PNPT1: variants seen among roughly 807,000 people sequenced by gnomAD.
The protein encoded by PNPT1 is polyribonucleotide nucleotidyltransferase 1.
A neutral mutation model predicts 119.5 loss-of-function variants in PNPT1; 53 were observed. That is an observed-to-expected ratio of 0.44 (90% CI 0.36 to 0.56). The LOEUF (loss-of-function observed/expected upper bound fraction) is 0.56. Among genes scored for constraint, PNPT1 ranks in the 20% least tolerant of loss-of-function variants. PNPT1 has a pLI of 0.00. For missense variants in PNPT1, 948 were observed against 938.5 expected, an observed-to-expected ratio of 1.01 and a Z score of -0.13; for synonymous variants, 357 against 322.1, an observed-to-expected ratio of 1.11 and a Z score of -1.16.
chr2:55,654,767 GGT>G (rs1696331288), intron 18 of PNPT1, 131 bp downstream of exon 18: 3 of 703,796 alleles, frequency 4.3e-6, no homozygotes, highest in Non-Finnish European at 7.5e-6. Flanking sequence ...GTAGAGATGA[GGT>G]CTTGCTATGT....
chr2:55,672,326 C>A (rs1192601009), intron 9 of PNPT1, among the ~76,000 whole-genome samples: 1 of 152,160 alleles, frequency 6.6e-6, no homozygotes, highest in Non-Finnish European at 1.5e-5. Context: ...TTCATATATT[C>A]TTTTTAACCT....
chr2:55,689,676 T>C (rs753407990), intron 1 of PNPT1, among the ~76,000 whole-genome samples: 22 of 152,156 alleles, frequency 1.4e-4, no homozygotes, highest in Non-Finnish European at 2.9e-4. Context: ...AGTAGATTAG[T>C]GGTTACCTGG....
chr2:55,660,274 G>A lies in PNPT1; in HGVS notation c.1248-81C>T, dbSNP rs1464212595. The A allele has an allele frequency of 4.3e-6, 6 of 1,405,492 alleles. No homozygotes were observed. In the East Asian group the frequency reaches 1.2e-4, roughly 29 times the overall value. The allele number at this position is 1,405,492 out of a possible 1,614,324, so 87.1% of individuals were successfully genotyped here. Reference sequence around the variant, plus strand: ...CAAAACACAACTAAAACAGATTTAAGGGGATTTTACAAAAGAACTAGGTGT... The same window carrying A: ...CAAAACACAACTAAAACAGATTTAAAGGGATTTTACAAAAGAACTAGGTGT... On this transcript the variant is annotated intron_variant, in intron 14 of 27. Coordinates refer to ENST00000447944, the MANE Select transcript of PNPT1 (RefSeq NM_033109.5).
intron 22 of PNPT1, 38 bp from the exon 23 acceptor site, chr2:55,644,758 C>T: frequency 6.8e-7 from 1 of 1,471,686 alleles, no homozygotes; most frequent in Non-Finnish European, 9.4e-7. Flanking sequence ...AACAATTCAA[C>T]TACATACATG....
Position 55,673,231 on chromosome 2 carries a change from A to T in PNPT1, c.680-152T>A, listed in dbSNP as rs1696968671. 5.2e-6 allele frequency: 3 copies of T among 579,304 alleles called. No homozygotes were observed. In the South Asian group the frequency reaches 9.2e-5, roughly 18 times the overall value. The allele number at this position is 579,304 out of a possible 1,614,324, so 35.9% of individuals were successfully genotyped here. A position where few individuals can be genotyped will look rare whatever the true frequency, so the allele number is the denominator to read the frequency against. ...TGATTTCTTTCCTCAGAATCAACAT[A>T]CTTCCAAAATGTAAGCAGCGGTAAA... On this transcript the variant is annotated intron_variant, in intron 8 of 27. Coordinates refer to ENST00000447944, the MANE Select transcript of PNPT1 (RefSeq NM_033109.5).
At chr2:55,680,823 C>G in intron 6 of PNPT1, 32 bp downstream of exon 6, 1 of 1,611,282 alleles carries the variant, frequency 6.2e-7, no homozygotes, top group Non-Finnish European at 8.5e-7. Flanking sequence ...AATTTTTAAT[C>G]TGATAATTTT....
Position 55,683,841 on chromosome 2 carries a change from A to G in PNPT1, c.404-7T>C. ...AGCGGTCTAATTGAACGATCTGCCAAAAGAAAAAAAAACACATTAAACCGT... is the reference window on the plus strand; with the variant it reads ...AGCGGTCTAATTGAACGATCTGCCAGAAGAAAAAAAAACACATTAAACCGT... On this transcript the variant is annotated splice_polypyrimidine_tract_variant and splice_region_variant and intron_variant, in intron 4 of 27. Transcript: ENST00000447944. 3 of 1,613,566 alleles carry G rather than the reference A, an allele frequency of 1.9e-6. No individual in the cohort carries two copies. Among genetic ancestry groups the G allele is most frequent in the Non-Finnish European group, 2.5e-6 (3 of 1,179,562 alleles).
chr2:55,651,229 A>T (rs1696185883), intron 18 of PNPT1, among the ~76,000 whole-genome samples: 1 of 151,686 alleles, frequency 6.6e-6, no homozygotes, highest in Admixed American at 6.6e-5. Flanking sequence ...CCCTACTGGG[A>T]AGTGAGGAGC....
chr2:55,646,631 C>G, intron 19 of PNPT1, 145 bp from the exon 20 acceptor site: 1 of 611,414 alleles, frequency 1.6e-6, no homozygotes, highest in Non-Finnish European at 2.9e-6. Context: ...CATTAACTAC[C>G]ACTTCCAATT....
At chr2:55,643,504 G>A (rs191500768) in intron 23 of PNPT1, 79 bp from the exon 24 acceptor site, 3 of 1,252,352 alleles carry the variant, frequency 2.4e-6, no homozygotes, top group East Asian at 2.4e-5. Context: ...CAGCACTCTG[G>A]GGGGCTGAGG....
intron 14 of PNPT1, 84 bp from the exon 15 acceptor site, chr2:55,660,277 G>A (rs1696524286): frequency 7.2e-7 from 1 of 1,380,390 alleles, no homozygotes; most frequent in South Asian, 1.5e-5. Context: ...GATTTAAGGG[G>A]ATTTTACAAA....
intron 13 of PNPT1, among the ~76,000 whole-genome samples, chr2:55,664,528 G>A (rs1696675539): frequency 6.6e-6 from 1 of 151,948 alleles, no homozygotes; most frequent in Non-Finnish European, 1.5e-5. Context: ...AAATAACTCA[G>A]AAGTACAGCT....
At chr2:55,670,438 G>A (rs913866690) in intron 11 of PNPT1, among the ~76,000 whole-genome samples, 20 of 151,890 alleles carry the variant, frequency 1.3e-4, no homozygotes, top group Admixed American at 8.5e-4. Flanking sequence ...TGTCTGCCTC[G>A]GCCGCCCAAA....
chr2:55,670,307 C>T (rs188682782), intron 11 of PNPT1, among the ~76,000 whole-genome samples: 9 of 152,010 alleles, frequency 5.9e-5, no homozygotes, highest in Non-Finnish European at 1.0e-4. Context: ...CTGCCTCAGC[C>T]TCCTGGGTAG....
intron 13 of PNPT1, among the ~76,000 whole-genome samples, chr2:55,663,527 T>C (rs1696644672): frequency 6.6e-6 from 1 of 152,160 alleles, no homozygotes; most frequent in South Asian, 2.1e-4. Flanking sequence ...TCAGGACACT[T>C]TTAGCAGGAT....
intron 11 of PNPT1, 71 bp downstream of exon 11, chr2:55,671,248 G>C (rs989803910): frequency 8.1e-6 from 6 of 740,148 alleles, no homozygotes; most frequent in Non-Finnish European, 1.2e-5. Flanking sequence ...ATCCCAAGAA[G>C]CAAGAGTCAG....
intron 26 of PNPT1, among the ~76,000 whole-genome samples, chr2:55,638,251 G>A (rs892104745): frequency 6.6e-6 from 1 of 150,794 alleles, no homozygotes; most frequent in Non-Finnish European, 1.5e-5. Context: ...GCAGTAAGCT[G>A]AGATTATGCC....
chr2:55,645,848 G>A (rs554189518), intron 21 of PNPT1, among the ~76,000 whole-genome samples: 1 of 150,922 alleles, frequency 6.6e-6, no homozygotes, highest in Non-Finnish European at 1.5e-5. Context: ...CTTTTTTTTT[G>A]AGACATTTTC....
At chr2:55,672,085 TG>T in intron 9 of PNPT1, 39 bp from the exon 10 acceptor site, 1 of 1,460,168 alleles carries the variant, frequency 6.8e-7, no homozygotes, top group Admixed American at 2.0e-5. Context: ...TAATAATATC[TG>T]GAAACAAGAG....
Sources: gnomAD v4.1 joint callset for allele counts (sites outside exome capture counted in the v4.1 genomes callset) on GRCh38, gnomAD v4.1.1 for gene constraint, MANE v1.5 for transcripts, NCBI Gene and HGNC (gene_info 2026-07-23, HGNC 2026-07-21) for gene names.